Variants in CA8 observed in about 807,000 individuals in gnomAD.
CA8 encodes the protein carbonic anhydrase-related protein.
In CA8, 22 loss-of-function variants were observed where a neutral mutation model predicts 41.4. The observed-to-expected ratio is 0.53, with a 90% CI of 0.38 to 0.76. The LOEUF (loss-of-function observed/expected upper bound fraction) is 0.76. Ranked by LOEUF, CA8 falls within the 30% of genes least tolerant of loss-of-function variation. The pLI is 0.00. For missense variants in CA8, 270 were observed against 352.8 expected (o/e 0.77, Z 1.88); for synonymous variants, 121 against 130.6 (o/e 0.93, Z 0.50).
intron 6 of CA8, among the ~76,000 whole-genome samples, chr8:60,223,193 C>T (rs946301842): frequency 6.6e-6 from 1 of 152,176 alleles, no homozygotes; most frequent in Non-Finnish European, 1.5e-5. Context: ...GATGGGGAAA[C>T]AGAATCTCAA....
In CA8 at chr8:60,192,684, T is replaced by G. The variant is rs543442179; in HGVS notation, c.*36-2699A>C. ...GCAACAAAATGACAGTAGCAATTGC[T>G]AATATTATTTATATCAAAATTATGC... On this transcript the variant is annotated intron_variant, in intron 8 of 8. Coordinates refer to ENST00000317995, the MANE Select transcript of CA8 (RefSeq NM_004056.6). Among the ~76,000 whole-genome samples, 35 of 152,236 alleles carry G rather than the reference T, an allele frequency of 2.3e-4. No individual in the cohort carries two copies. In the East Asian group the frequency reaches 3.3e-3, roughly 14 times the overall value.
intron 6 of CA8, 142 bp downstream of exon 6, chr8:60,224,395 T>C (rs997948896): frequency 1.5e-5 from 9 of 617,636 alleles, no homozygotes; most frequent in Admixed American, 5.6e-5. Context: ...TAGAGTAATC[T>C]GGAAATGGTA....
intron 8 of CA8, among the ~76,000 whole-genome samples, chr8:60,206,553 G>A (rs1418709163): frequency 2.0e-5 from 3 of 152,064 alleles, no homozygotes; most frequent in African/African-American, 4.8e-5. Flanking sequence ...ATAAATTCAC[G>A]CTTTGCAACC....
intron 8 of CA8, among the ~76,000 whole-genome samples, chr8:60,206,254 A>C (rs867284331): frequency 1.3e-5 from 2 of 152,210 alleles, no homozygotes; most frequent in South Asian, 4.1e-4. Flanking sequence ...TTAACTCAAA[A>C]CTTTGAAAAA....
chr8:60,215,357 A>G (rs867908426), intron 7 of CA8, among the ~76,000 whole-genome samples: 9 of 102,568 alleles, frequency 8.8e-5, no homozygotes, highest in Admixed American at 6.5e-4. Context: ...GTGTGTGTGT[A>G]TACACACACA....
chr8:60,243,967 T>G (rs1808132555), intron 3 of CA8, among the ~76,000 whole-genome samples: 1 of 152,218 alleles, frequency 6.6e-6, no homozygotes, highest in Non-Finnish European at 1.5e-5. Context: ...AATCAAAATT[T>G]CTGTCCCGAG....
At chr8:60,244,965 C>T (rs1227817083) in intron 3 of CA8, among the ~76,000 whole-genome samples, 3 of 152,152 alleles carry the variant, frequency 2.0e-5, no homozygotes, top group Admixed American at 6.5e-5. Context: ...CCTTGGGCAA[C>T]TAATGTCTCA....
chr8:60,217,039 A>G (rs1399297474), intron 7 of CA8, among the ~76,000 whole-genome samples: 1 of 152,000 alleles, frequency 6.6e-6, no homozygotes. Context: ...GCCTGCCACC[A>G]CACCTGGCTA....
chr8:60,193,162 T>C (rs1806184695), intron 8 of CA8, among the ~76,000 whole-genome samples: 1 of 152,186 alleles, frequency 6.6e-6, no homozygotes, highest in African/African-American at 2.4e-5. Context: ...GAGTGATAAA[T>C]ACCTTGGGTT....
intron 7 of CA8, among the ~76,000 whole-genome samples, chr8:60,211,610 A>G (rs187708773): frequency 6.6e-6 from 1 of 152,368 alleles, no homozygotes; most frequent in African/African-American, 2.4e-5. Context: ...CCTGAAGCAC[A>G]TTCTGTGAAA....
At chr8:60,240,364 T>A (rs1329627371) in intron 3 of CA8, among the ~76,000 whole-genome samples, 1 of 152,188 alleles carries the variant, frequency 6.6e-6, no homozygotes, top group Non-Finnish European at 1.5e-5. Context: ...GCAAGGCCAA[T>A]CAGCCTATAA....
chr8:60,228,190 A>G (rs927342723), intron 4 of CA8, among the ~76,000 whole-genome samples: 1 of 152,246 alleles, frequency 6.6e-6, no homozygotes, highest in Non-Finnish European at 1.5e-5. Flanking sequence ...GCTCTAAACA[A>G]TCAAGACGTG....
chr8:60,197,637 T>A (rs1426860484), intron 8 of CA8, among the ~76,000 whole-genome samples: 1 of 152,162 alleles, frequency 6.6e-6, no homozygotes, highest in African/African-American at 2.4e-5. Context: ...GGCCTCCATA[T>A]CCATCACAAC....
At chr8:60,209,591 T>C (rs1806763184) in intron 7 of CA8, among the ~76,000 whole-genome samples, 1 of 152,230 alleles carries the variant, frequency 6.6e-6, no homozygotes, top group African/African-American at 2.4e-5. Context: ...TCCAAGTACA[T>C]TTTAATTAAT....
chr8:60,241,243 G>T (rs1386346273), intron 3 of CA8, among the ~76,000 whole-genome samples: 4 of 152,204 alleles, frequency 2.6e-5, no homozygotes, highest in African/African-American at 9.7e-5. Context: ...GTAAAGCATG[G>T]AATGGAACAT....
At chr8:60,199,031 C>A (rs1806352284) in intron 8 of CA8, among the ~76,000 whole-genome samples, 1 of 151,726 alleles carries the variant, frequency 6.6e-6, no homozygotes, top group African/African-American at 2.4e-5. Flanking sequence ...AGTTTCTCTG[C>A]AACATAAAGG....
chr8:60,210,653 G>A (rs1806804104), intron 7 of CA8, among the ~76,000 whole-genome samples: 1 of 151,044 alleles, frequency 6.6e-6, no homozygotes, highest in African/African-American at 2.4e-5. Context: ...CATGCGCTTC[G>A]AATGTCTTAT....
At chr8:60,222,243 C>T (rs1027842786) in intron 7 of CA8, among the ~76,000 whole-genome samples, 1 of 152,120 alleles carries the variant, frequency 6.6e-6, no homozygotes, top group African/African-American at 2.4e-5. Context: ...TCCTTCACCC[C>T]GCACATGCAG....
At chr8:60,198,214 C>T (rs1806332352) in intron 8 of CA8, among the ~76,000 whole-genome samples, 1 of 152,130 alleles carries the variant, frequency 6.6e-6, no homozygotes, top group Non-Finnish European at 1.5e-5. Flanking sequence ...AGTTACTCAA[C>T]GCATCTCAGC....
Sources: allele counts gnomAD v4.1 joint callset (sites outside exome capture counted in the v4.1 genomes callset), GRCh38; gene constraint gnomAD v4.1.1; transcripts MANE v1.5; gene names NCBI Gene and HGNC (gene_info 2026-07-23, HGNC 2026-07-21).